SNX13: variants seen among roughly 807,000 people sequenced by gnomAD.
SNX13 encodes the protein sorting nexin 13.
SNX13 carries 45 observed loss-of-function variants against 133.6 expected under a neutral mutation model. The observed-to-expected ratio is 0.34, with a 90% confidence interval of 0.27 to 0.43. SNX13 has a LOEUF of 0.43. Among genes scored for constraint, SNX13 ranks in the 20% least tolerant of loss-of-function variants. The pLI is 1.00. For synonymous variants in SNX13, 414 were observed against 373.9 expected, an observed-to-expected ratio of 1.11 and a Z score of -1.24; for missense variants, 1,032 against 1,145.1, an observed-to-expected ratio of 0.90 and a Z score of 1.43.
chr7:17,879,371 A>G (rs752747272), intron 5 of SNX13: 10 of 152,248 alleles, frequency 6.6e-5, no homozygotes, highest in Non-Finnish European at 1.0e-4. Flanking sequence ...CACTCAGCCA[A>G]CTGTGTTTGT....
At chr7:17,918,203 C>T (rs887693040) in intron 1 of SNX13, among the ~76,000 whole-genome samples, 4 of 152,092 alleles carry the variant, frequency 2.6e-5, no homozygotes, top group Non-Finnish European at 5.9e-5. Context: ...CTAGGAAATA[C>T]GCTTCTGAAC....
intron 2 of SNX13, among the ~76,000 whole-genome samples, chr7:17,896,451 C>A (rs1244152607): frequency 1.3e-5 from 2 of 152,046 alleles, no homozygotes; most frequent in Non-Finnish European, 2.9e-5. Flanking sequence ...AGAAGCTAAC[C>A]CTTCAGTGTC....
At chr7:17,927,321 C>A (rs997566764) in intron 1 of SNX13, among the ~76,000 whole-genome samples, 3 of 151,884 alleles carry the variant, frequency 2.0e-5, no homozygotes, top group African/African-American at 7.3e-5. Context: ...TAGCTCACTG[C>A]AGCCTCCAAC....
chr7:17,888,931 T>C (rs752280223), intron 5 of SNX13: 37 of 278,588 alleles, frequency 1.3e-4, no homozygotes, highest in Non-Finnish European at 2.3e-4. Context: ...TTCAGATTAC[T>C]AGTTCAAATC....
chr7:17,882,863 A>G (rs1562840502), intron 5 of SNX13: 1 of 1,287,144 alleles, frequency 7.8e-7, no homozygotes, highest in Non-Finnish European at 1.0e-6. Flanking sequence ...TTTGTTAAAC[A>G]AAACAGGGTT....
intron 1 of SNX13, among the ~76,000 whole-genome samples, chr7:17,910,490 T>C (rs1798843246): frequency 6.6e-6 from 1 of 152,174 alleles, no homozygotes; most frequent in South Asian, 2.1e-4. Flanking sequence ...GCTGCCACTG[T>C]GTAAAACAAT....
At chr7:17,908,954 G>A (rs1798661258) in intron 1 of SNX13, among the ~76,000 whole-genome samples, 2 of 152,206 alleles carry the variant, frequency 1.3e-5, no homozygotes, top group East Asian at 3.9e-4. Context: ...ATATAGCCAG[G>A]TGAAGAACAG....
chr7:17,797,089 G>C (rs2128283007), intron 24 of SNX13, 150 bp from the exon 25 acceptor site: 1 of 646,942 alleles, frequency 1.5e-6, no homozygotes, highest in Non-Finnish European at 2.6e-6. Flanking sequence ...TGATATTCAA[G>C]AAAGATCAAC....
intron 2 of SNX13, among the ~76,000 whole-genome samples, chr7:17,893,807 T>C (rs1583658889): frequency 1.3e-5 from 2 of 151,852 alleles, no homozygotes; most frequent in South Asian, 4.2e-4. Flanking sequence ...ACCCCGTCTC[T>C]ACTAAAAATA....
chr7:17,925,456 A>G (rs1800642811), intron 1 of SNX13, among the ~76,000 whole-genome samples: 2 of 152,236 alleles, frequency 1.3e-5, no homozygotes, highest in South Asian at 4.1e-4. Context: ...AATTACAACT[A>G]AACAACCCAG....
intron 13 of SNX13, among the ~76,000 whole-genome samples, chr7:17,839,572 T>C (rs1789615583): frequency 6.6e-6 from 1 of 152,032 alleles, no homozygotes. Context: ...GTGAATCTAA[T>C]GTGTGACCTT....
At chr7:17,846,646 T>A (rs1790562653) in intron 11 of SNX13, among the ~76,000 whole-genome samples, 1 of 151,580 alleles carries the variant, frequency 6.6e-6, no homozygotes. Flanking sequence ...AGGTGGTAAA[T>A]AAAGGAAAAT....
chr7:17,854,034 G>A lies in SNX13; in HGVS notation c.838-3070C>T, dbSNP rs143568271. Among the ~76,000 whole-genome samples, 737 of 152,164 alleles carry A rather than the reference G, an allele frequency of 4.8e-3. 5 individuals carry two copies. The highest frequency in any genetic ancestry group is 0.017 in the African/African-American group (711 of 41,526). On this transcript the variant is annotated intron_variant, in intron 9 of 25. Coordinates refer to ENST00000428135, the MANE Select transcript of SNX13 (RefSeq NM_015132.5). ...AAAGTTCTTCAAAATAAAGAAAAAT[G>A]ACAACAAAACTGAAATTTGTACCTA...
chr7:17,845,394 T>C (rs926660770), intron 12 of SNX13, among the ~76,000 whole-genome samples: 9 of 151,984 alleles, frequency 5.9e-5, no homozygotes, highest in South Asian at 2.1e-4. Context: ...ATGGAGAGAG[T>C]TGGTGTTTAA....
At chr7:17,898,077 T>C (rs1342749841) in intron 1 of SNX13, 1 of 146,202 alleles carries the variant, frequency 6.8e-6, no homozygotes, top group African/African-American at 2.5e-5. Flanking sequence ...ATCCATACAT[T>C]AAAAAAAAAA....
intron 20 of SNX13, among the ~76,000 whole-genome samples, 189 bp downstream of exon 20, chr7:17,814,645 A>G (rs1043273655): frequency 6.6e-6 from 1 of 152,174 alleles, no homozygotes; most frequent in South Asian, 2.1e-4. Flanking sequence ...CTGCTGAATT[A>G]TAATCAACAT....
In SNX13 at chr7:17,805,250, T is replaced by TGTGTGTGTGTGCGCGC; in HGVS notation, c.2065-1671_2065-1670insGCGCGCACACACACAC. 4.4e-3 allele frequency among the ~76,000 whole-genome samples: 418 copies of TGTGTGTGTGTGCGCGC among 95,538 alleles called. 6 individuals carry two copies. Among genetic ancestry groups the TGTGTGTGTGTGCGCGC allele is most frequent in the African/African-American group, 9.8e-3 (312 of 31,824 alleles). 62.7% of individuals were successfully genotyped at this position (95,538 alleles called of 152,430 possible). A position where few individuals can be genotyped will look rare whatever the true frequency, so the allele number is the denominator to read the frequency against. ...GTGTGTGTGTGTGTGTGTGTGTGTGTGCGTGCGCGCGCGCGCATGCATGCA... is the reference window on the plus strand; with the variant it reads ...GTGTGTGTGTGTGTGTGTGTGTGTGTGTGTGTGTGTGCGCGCGCGTGCGCGCGCGCGCATGCATGCA... On this transcript the variant is annotated intron_variant, in intron 20 of 25. Coordinates refer to ENST00000428135, the MANE Select transcript of SNX13 (RefSeq NM_015132.5).
chr7:17,937,187 T>A (rs979132222), intron 1 of SNX13, among the ~76,000 whole-genome samples: 5 of 151,994 alleles, frequency 3.3e-5, no homozygotes, highest in Admixed American at 1.3e-4. Flanking sequence ...CATCGAGAAC[T>A]ATATGGGAGC....
intron 20 of SNX13, among the ~76,000 whole-genome samples, chr7:17,813,981 A>AAAC (rs1452937277): frequency 6.6e-6 from 1 of 152,166 alleles, no homozygotes; most frequent in Admixed American, 6.5e-5. Flanking sequence ...GAATAGTGAG[A>AAAC]AACTCCTTGT....
Sources: gnomAD v4.1 joint callset for allele counts (sites outside exome capture counted in the v4.1 genomes callset) on GRCh38, gnomAD v4.1.1 for gene constraint, MANE v1.5 for transcripts, NCBI Gene and HGNC (gene_info 2026-07-23, HGNC 2026-07-21) for gene names.